Variants in FHOD3 observed in about 807,000 individuals in gnomAD.
The protein encoded by FHOD3 is FH1/FH2 domain-containing protein 3.
FHOD3 carries 90 observed loss-of-function variants against 173.0 expected under a neutral mutation model. That is an observed-to-expected ratio of 0.52 (90% CI 0.44 to 0.62). The LOEUF (loss-of-function observed/expected upper bound fraction) is 0.62, where lower values mean the gene tolerates loss of function less well. FHOD3 is among the 20% of genes least tolerant of loss of function. The pLI, the probability that FHOD3 is intolerant of heterozygous loss-of-function variation, is 0.00. For missense variants in FHOD3, 1,945 were observed against 2,034.7 expected (o/e 0.96, Z 0.85); for synonymous variants, 828 against 823.0 (o/e 1.01, Z -0.10).
At chr18:36,494,130 C>A (rs951691666) in intron 3 of FHOD3, among the ~76,000 whole-genome samples, 4 of 152,092 alleles carry the variant, frequency 2.6e-5, no homozygotes, top group African/African-American at 9.7e-5. Flanking sequence ...CTGTCTTTCC[C>A]CACACACTGA....
chr18:36,712,041 G>A (rs1331398758), intron 18 of FHOD3, among the ~76,000 whole-genome samples: 1 of 152,196 alleles, frequency 6.6e-6, no homozygotes, highest in Non-Finnish European at 1.5e-5. Context: ...TCTGCAATGA[G>A]CCAGTGTGAG....
intron 3 of FHOD3, among the ~76,000 whole-genome samples, chr18:36,421,564 C>G (rs1363235164): frequency 6.6e-6 from 1 of 152,184 alleles, no homozygotes; most frequent in African/African-American, 2.4e-5. Flanking sequence ...CTTTTTTTCT[C>G]TCTTTAGAAA....
chr18:36,355,790 T>A, intron 2 of FHOD3, 145 bp downstream of exon 2: 1 of 681,330 alleles, frequency 1.5e-6, no homozygotes, highest in Non-Finnish European at 2.5e-6. Flanking sequence ...TGCAAGTGAC[T>A]CATCAGTGGT....
At position 36,405,448 on chromosome 18, in the gene FHOD3, G is replaced by A. The variant is rs111719745; in HGVS notation, c.337+32704G>A. On this transcript the variant is annotated intron_variant, in intron 3 of 28. Coordinates refer to ENST00000590592, the MANE Select transcript of FHOD3 (RefSeq NM_001281740.3). ...ACTTTCTTTGGAGGTAGAGGTAAGTGTCAGGCTCGTATGAGCCAAATTGAT... is the reference window on the plus strand; with the variant it reads ...ACTTTCTTTGGAGGTAGAGGTAAGTATCAGGCTCGTATGAGCCAAATTGAT... Among the ~76,000 whole-genome samples, 129 of 152,344 alleles carry A rather than the reference G, an allele frequency of 8.5e-4. 2 individuals carry two copies. Among genetic ancestry groups the A allele is most frequent in the African/African-American group, 3.0e-3 (123 of 41,582 alleles).
intron 3 of FHOD3, among the ~76,000 whole-genome samples, chr18:36,424,292 G>A (rs993974064): frequency 2.0e-5 from 3 of 152,170 alleles, no homozygotes; most frequent in African/African-American, 7.2e-5. Context: ...GCCACTTAGT[G>A]TGTATAAAAC....
intron 24 of FHOD3, among the ~76,000 whole-genome samples, chr18:36,752,259 A>C (rs549507111): frequency 1.2e-4 from 19 of 152,172 alleles, no homozygotes; most frequent in Admixed American, 1.1e-3. Flanking sequence ...GACACAGCCA[A>C]ACCATATCAA....
At chr18:36,597,757 A>C (rs369459438) in intron 7 of FHOD3, among the ~76,000 whole-genome samples, 3 of 152,018 alleles carry the variant, frequency 2.0e-5, no homozygotes, top group African/African-American at 7.2e-5. Context: ...ACAATTTCTT[A>C]AACCTTTGGC....
rs751341501 is a variant in FHOD3 at position 36,693,221 on chromosome 18, G to A, written c.2034G>A (p.Leu678=). The A allele has an allele frequency of 7.4e-6, 12 of 1,613,264 alleles. No homozygotes were observed. In the South Asian group the frequency reaches 1.3e-4, roughly 18 times the overall value. ...ATTTAACTTTCAGATACAAATACTT[G>A]GAACAGTTGGCAGCTGAGGAGCACG... ...RQAREERYKY[L]EQLAAEEHEK... The change falls in exon 17 of 29, where the codon TTG becomes TTA. Residue 678 remains leucine (L), a synonymous_variant. Coordinates refer to ENST00000590592, the MANE Select transcript of FHOD3 (RefSeq NM_001281740.3).
intron 1 of FHOD3, among the ~76,000 whole-genome samples, chr18:36,342,646 G>C (rs2045679988): frequency 6.6e-6 from 1 of 152,080 alleles, no homozygotes; most frequent in African/African-American, 2.4e-5. Context: ...GACACTAAAA[G>C]CACAAAGAAC....
intron 2 of FHOD3, among the ~76,000 whole-genome samples, chr18:36,370,819 G>A (rs2047146629): frequency 6.6e-6 from 1 of 152,154 alleles, no homozygotes; most frequent in Admixed American, 6.5e-5. Context: ...CCCCTGGCAG[G>A]GGTTCACTGA....
intron 1 of FHOD3, among the ~76,000 whole-genome samples, chr18:36,327,225 G>A (rs1408110439): frequency 6.6e-6 from 1 of 152,132 alleles, no homozygotes; most frequent in Non-Finnish European, 1.5e-5. Context: ...GTTAAAAATT[G>A]TATTCATCAA....
At position 36,297,910 on chromosome 18, in the gene FHOD3, C is replaced by A; in HGVS notation, c.75C>A (p.Pro25=). 6.4e-7 allele frequency: 1 copy of A among 1,559,168 alleles called. No individual in the cohort carries two copies. Among genetic ancestry groups the A allele is most frequent in the East Asian group, 2.4e-5 (1 of 40,936 alleles). ...DPFNSTNFPE[P]SRPPLFTFRE... ...TCAACAGCACCAACTTCCCCGAGCC[C>A]AGCCGGCCGCCGCTGTTCACGTTCC... Residue 25 remains proline (P), a synonymous_variant, in exon 1 of 29, where the codon CCC becomes CCA. Transcript: ENST00000590592.
intron 5 of FHOD3, among the ~76,000 whole-genome samples, chr18:36,543,970 G>T (rs1244143881): frequency 6.6e-6 from 1 of 152,212 alleles, no homozygotes; most frequent in African/African-American, 2.4e-5. Flanking sequence ...AGTAGAGATT[G>T]AATGTAGCTG....
intron 4 of FHOD3, among the ~76,000 whole-genome samples, chr18:36,512,012 G>C (rs1462404731): frequency 1.3e-5 from 2 of 152,200 alleles, no homozygotes; most frequent in African/African-American, 4.8e-5. Flanking sequence ...GCTATCTTTG[G>C]AACACATTAG....
At chr18:36,469,195 AGGT>A (rs2053131792) in intron 3 of FHOD3, among the ~76,000 whole-genome samples, 1 of 152,166 alleles carries the variant, frequency 6.6e-6, no homozygotes, top group African/African-American at 2.4e-5. Context: ...TCCTATCACC[AGGT>A]ATAGAGCTAT....
chr18:36,465,909 G>A (rs955473266), intron 3 of FHOD3, among the ~76,000 whole-genome samples: 2 of 151,894 alleles, frequency 1.3e-5, no homozygotes, highest in Non-Finnish European at 2.9e-5. Flanking sequence ...GGGACATTTC[G>A]CCTACTCAGA....
intron 23 of FHOD3, among the ~76,000 whole-genome samples, chr18:36,745,948 C>CTCAG (rs2042139071): frequency 6.6e-6 from 1 of 151,972 alleles, no homozygotes; most frequent in African/African-American, 2.4e-5. Context: ...TTCCATCCAC[C>CTCAG]TCAGTCCCCT....
intron 22 of FHOD3, among the ~76,000 whole-genome samples, chr18:36,743,246 T>C (rs2041989389): frequency 7.5e-6 from 1 of 133,522 alleles, no homozygotes; most frequent in African/African-American, 2.9e-5. Flanking sequence ...GAAGCAGAGG[T>C]TGCAGTGAGC....
chr18:36,342,956 C>G (rs1264698534), intron 1 of FHOD3, among the ~76,000 whole-genome samples: 1 of 152,104 alleles, frequency 6.6e-6, no homozygotes, highest in East Asian at 1.9e-4. Flanking sequence ...AAATGCAAAT[C>G]AAAAGCATAG....
Sources: gnomAD v4.1 joint callset for allele counts (sites outside exome capture counted in the v4.1 genomes callset) on GRCh38, gnomAD v4.1.1 for gene constraint, MANE v1.5 for transcripts, NCBI Gene and HGNC (gene_info 2026-07-23, HGNC 2026-07-21) for gene names.